EBF2: variants seen among roughly 807,000 people sequenced by gnomAD.
The protein encoded by EBF2 is transcription factor COE2.
A neutral mutation model predicts 72.8 loss-of-function variants in EBF2; 21 were observed. The ratio of observed to expected loss-of-function variants is 0.29; its 90% CI spans 0.20 to 0.42. EBF2 has a LOEUF of 0.42. Ranked by LOEUF, EBF2 falls within the 10% of genes least tolerant of loss-of-function variation. The probability of loss-of-function intolerance (pLI) is 1.00; values close to 1 mark genes in which losing one functional copy is unlikely to be tolerated. For missense variants in EBF2, 637 were observed against 731.2 expected (o/e 0.87, Z 1.49); for synonymous variants, 299 against 274.2 (o/e 1.09, Z -0.89).
intron 6 of EBF2, among the ~76,000 whole-genome samples, chr8:25,967,307 T>C (rs17054703): frequency 6.6e-6 from 1 of 152,204 alleles, no homozygotes; most frequent in African/African-American, 2.4e-5. Flanking sequence ...GGGTAGAGAA[T>C]TGGATCCATG....
chr8:26,032,825 C>CTT (rs1563214477), intron 6 of EBF2: 1 of 480,018 alleles, frequency 2.1e-6, no homozygotes, highest in Non-Finnish European at 3.8e-6. Flanking sequence ...TTATATCCTG[C>CTT]ACCACACATA....
intron 10 of EBF2, among the ~76,000 whole-genome samples, chr8:25,876,326 G>T (rs1802519794): frequency 6.6e-6 from 1 of 152,156 alleles, no homozygotes; most frequent in African/African-American, 2.4e-5. Context: ...ATAGCTAGGT[G>T]ATGGGTCGAT....
At chr8:26,018,110 A>G (rs1440159694) in intron 6 of EBF2, among the ~76,000 whole-genome samples, 1 of 144,622 alleles carries the variant, frequency 6.9e-6, no homozygotes, top group Non-Finnish European at 1.5e-5. Context: ...TAGGTTGGAA[A>G]AGTTTTTTTT....
At chr8:26,040,442 G>GAA (rs879043883) in intron 4 of EBF2, among the ~76,000 whole-genome samples, 174 bp downstream of exon 4, 2 of 126,568 alleles carry the variant, frequency 1.6e-5, no homozygotes, top group African/African-American at 5.7e-5. Context: ...AGACAGGGAA[G>GAA]AAAAAAAAAA....
intron 10 of EBF2, among the ~76,000 whole-genome samples, chr8:25,865,762 A>G (rs1191780712): frequency 6.6e-6 from 1 of 150,818 alleles, no homozygotes; most frequent in African/African-American, 2.4e-5. Context: ...GCAGTGACTC[A>G]TGCCTGTAAT....
At chr8:26,033,889 C>T (rs550923311) in intron 5 of EBF2, among the ~76,000 whole-genome samples, 1 of 152,164 alleles carries the variant, frequency 6.6e-6, no homozygotes. Context: ...TACTCAAATT[C>T]TCACTCTGTG....
chr8:25,845,760 A>G (rs1801820404), intron 15 of EBF2, among the ~76,000 whole-genome samples: 1 of 152,206 alleles, frequency 6.6e-6, no homozygotes, highest in South Asian at 2.1e-4. Flanking sequence ...ATTCTTAGAA[A>G]ATGGCAGAAT....
intron 10 of EBF2, among the ~76,000 whole-genome samples, chr8:25,866,138 C>T (rs1330993271): frequency 1.3e-5 from 2 of 151,762 alleles, no homozygotes; most frequent in Non-Finnish European, 2.9e-5. Flanking sequence ...CATCTACTTA[C>T]AGTGATCATT....
At chr8:26,015,944 C>T (rs1334055078) in intron 6 of EBF2, among the ~76,000 whole-genome samples, 2 of 152,124 alleles carry the variant, frequency 1.3e-5, no homozygotes, top group African/African-American at 4.8e-5. Flanking sequence ...AAAGAAGCTC[C>T]ACTCCAAAAA....
chr8:25,902,075 G>A (rs760213751), intron 7 of EBF2, among the ~76,000 whole-genome samples: 1 of 152,156 alleles, frequency 6.6e-6, no homozygotes, highest in Non-Finnish European at 1.5e-5. Flanking sequence ...ACTTGGAATA[G>A]ACCCAGCCAT....
intron 5 of EBF2, among the ~76,000 whole-genome samples, chr8:26,033,877 T>C (rs571373487): frequency 6.6e-6 from 1 of 152,316 alleles, no homozygotes; most frequent in African/African-American, 2.4e-5. Flanking sequence ...GAAGCCAAAA[T>C]ATACTCAAAT....
chr8:26,041,525 G>A (rs1303196823), intron 2 of EBF2: 1 of 165,772 alleles, frequency 6.0e-6, no homozygotes, highest in Non-Finnish European at 1.3e-5. Flanking sequence ...TGGGGACACG[G>A]AGACCCGGAA....
chr8:25,894,397 G>A (rs939445402), intron 7 of EBF2, among the ~76,000 whole-genome samples: 6 of 152,120 alleles, frequency 3.9e-5, no homozygotes, highest in East Asian at 1.9e-4. Context: ...AGTGGAATGC[G>A]CATTCCAACA....
At chr8:25,962,767 TG>T (rs1804055100) in intron 6 of EBF2, among the ~76,000 whole-genome samples, 1 of 152,248 alleles carries the variant, frequency 6.6e-6, no homozygotes. Context: ...GAGTCAGATG[TG>T]ACATGGTGTC....
chr8:25,965,155 TTACTA>T (rs1355798418), intron 6 of EBF2, among the ~76,000 whole-genome samples: 1 of 152,192 alleles, frequency 6.6e-6, no homozygotes, highest in Non-Finnish European at 1.5e-5. Flanking sequence ...GTCAGTAACC[TTACTA>T]TATTTTCATG....
chr8:26,020,971 T>C (rs1805195361), intron 6 of EBF2, among the ~76,000 whole-genome samples: 1 of 152,208 alleles, frequency 6.6e-6, no homozygotes, highest in African/African-American at 2.4e-5. Flanking sequence ...AGCTTCTCCT[T>C]CACCTTTAAC....
chr8:25,879,869 A>G (rs1421641429), intron 10 of EBF2, among the ~76,000 whole-genome samples: 1 of 152,174 alleles, frequency 6.6e-6, no homozygotes, highest in Non-Finnish European at 1.5e-5. Flanking sequence ...TCATTTGTTT[A>G]AAAGAAAATC....
chr8:26,015,765 A>T (rs1242252514), intron 6 of EBF2, among the ~76,000 whole-genome samples: 3 of 152,184 alleles, frequency 2.0e-5, no homozygotes, highest in Non-Finnish European at 4.4e-5. Context: ...CCTTTGTCCA[A>T]CCATCACTGC....
intron 15 of EBF2, among the ~76,000 whole-genome samples, chr8:25,848,327 T>A (rs769178193): frequency 1.3e-5 from 2 of 152,212 alleles, no homozygotes; most frequent in African/African-American, 4.8e-5. Flanking sequence ...CTATCAGGAA[T>A]GTGCTGCTCA....
Sources: allele counts gnomAD v4.1 joint callset (sites outside exome capture counted in the v4.1 genomes callset), GRCh38; gene constraint gnomAD v4.1.1; transcripts MANE v1.5; gene names NCBI Gene and HGNC (gene_info 2026-07-23, HGNC 2026-07-21).